Variants in SLC36A1 observed in about 807,000 individuals in gnomAD.
SLC36A1 encodes the protein proton-coupled amino acid transporter 1.
Under a neutral mutation model 47.5 loss-of-function variants are expected in SLC36A1, and 30 were observed. The ratio of observed to expected loss-of-function variants is 0.63; its 90% CI spans 0.47 to 0.86. The LOEUF (loss-of-function observed/expected upper bound fraction) is 0.86, where lower values mean the gene tolerates loss of function less well. Ranked by LOEUF, SLC36A1 falls within the 40% of genes least tolerant of loss-of-function variation. SLC36A1 has a pLI of 0.00. For synonymous variants in SLC36A1, 255 were observed against 249.7 expected (o/e 1.02, Z -0.20); for missense variants, 517 against 606.0 (o/e 0.85, Z 1.54).
the SLC36A1 span, chr5:151,544,322 G>C: frequency 1.9e-6 from 3 of 1,614,156 alleles, no homozygotes; most frequent in East Asian, 6.7e-5. Flanking sequence ...AAAGTGGGAG[G>C]GTTATCATTG....
At chr5:151,510,842 TG>T in the SLC36A1 span, 1 of 152,136 alleles carries the variant, frequency 6.6e-6, no homozygotes, top group Non-Finnish European at 1.5e-5. Context: ...GAAGAGTGCG[TG>T]CAAAGGCTAG....
At chr5:151,438,212 G>A (rs1320702199) in intron 1 of SLC36A1, among the ~76,000 whole-genome samples, 1 of 152,154 alleles carries the variant, frequency 6.6e-6, no homozygotes, top group East Asian at 1.9e-4. Flanking sequence ...CAATTTCACT[G>A]TGTGCCCGTT....
At chr5:151,460,305 A>G (rs1372791065) in intron 2 of SLC36A1, among the ~76,000 whole-genome samples, 1 of 152,160 alleles carries the variant, frequency 6.6e-6, no homozygotes, top group African/African-American at 2.4e-5. Flanking sequence ...TTGTCTAAGC[A>G]ATATTTAGCA....
chr5:151,545,214 A>C, the SLC36A1 span: 1 of 1,614,184 alleles, frequency 6.2e-7, no homozygotes, highest in Non-Finnish European at 8.5e-7. Flanking sequence ...CCCAGTAGAC[A>C]TCCTGATCAA....
chr5:151,510,210 G>A, the SLC36A1 span: 23 of 1,609,052 alleles, frequency 1.4e-5, no homozygotes, highest in Middle Eastern at 5.0e-4. Context: ...AGACCGCACT[G>A]GCCTAGCAGT....
chr5:151,463,059 A>G (rs1755786134), intron 2 of SLC36A1, among the ~76,000 whole-genome samples: 1 of 152,082 alleles, frequency 6.6e-6, no homozygotes, highest in Non-Finnish European at 1.5e-5. Context: ...TATTTTTAGT[A>G]GAGACGGGGT....
chr5:151,504,548 G>A, the SLC36A1 span: 4 of 152,726 alleles, frequency 2.6e-5, no homozygotes, highest in African/African-American at 9.6e-5. Flanking sequence ...GGCAATGGCA[G>A]GTGTCCAGCC....
the SLC36A1 span, among the ~76,000 whole-genome samples, chr5:151,506,385 C>T: frequency 6.6e-6 from 1 of 152,202 alleles, no homozygotes; most frequent in African/African-American, 2.4e-5. Context: ...CAACCCACCC[C>T]CACAGCTGGA....
chr5:151,421,215 T>TCCTTCCTTCCTTCCTTCCTTCCTTCCTC, the SLC36A1 span, among the ~76,000 whole-genome samples: 22 of 142,752 alleles, frequency 1.5e-4, no homozygotes, highest in East Asian at 4.8e-3. Flanking sequence ...CTTCCTTCCT[T>TCCTTCCTTCCTTCCTTCCTTCCTTCCTC]CCTCCCTTTC....
At chr5:151,431,717 C>T in the SLC36A1 span, among the ~76,000 whole-genome samples, 5 of 152,194 alleles carry the variant, frequency 3.3e-5, no homozygotes, top group African/African-American at 1.2e-4. Flanking sequence ...TTTTACCTTC[C>T]GCCATGACTG....
At chr5:151,347,305 C>G in the SLC36A1 span, 1 of 1,614,186 alleles carries the variant, frequency 6.2e-7, no homozygotes, top group Non-Finnish European at 8.5e-7. Context: ...ACGTTATGCC[C>G]TTGGTCTTCT....
rs1363677594 is a variant in SLC36A1 at position 151,492,219 on chromosome 5, G to A, written c.*3965G>A. ...ATCTGTAGGTGTTGATAACTAGACA[G>A]TACTGTGTATGTTACGTGCCTGTGT... On this transcript the variant is annotated 3_prime_UTR_variant, in exon 11 of 11. Transcript: ENST00000243389. The A allele has an allele frequency of 6.6e-6, 1 of 152,202 alleles. No homozygotes were observed. The highest frequency in any genetic ancestry group is 1.5e-5 in the Non-Finnish European group (1 of 68,052). The allele number at this position is 152,202 out of a possible 1,614,324, so 9.4% of individuals were successfully genotyped here.
the SLC36A1 span, among the ~76,000 whole-genome samples, chr5:151,363,860 A>C: frequency 2.6e-5 from 4 of 152,172 alleles, no homozygotes; most frequent in African/African-American, 4.8e-5. Context: ...TGTAACATAC[A>C]ATTTACTGGA....
chr5:151,503,791 C>CTAGT, the SLC36A1 span, among the ~76,000 whole-genome samples: 140 of 152,234 alleles, frequency 9.2e-4, no homozygotes, highest in East Asian at 0.015. Flanking sequence ...AGCTAGCCTG[C>CTAGT]TAGTTAGTGG....
At chr5:151,458,316 A>ATATATATATATACATACACTTG (rs1561737852) in intron 1 of SLC36A1, among the ~76,000 whole-genome samples, 2 of 65,030 alleles carry the variant, frequency 3.1e-5, no homozygotes, top group African/African-American at 1.2e-4. Context: ...ATATACGTAT[A>ATATATATATATACATACACTTG]TATATATATA....
chr5:151,399,084 A>ATATATATATTTTTTT, the SLC36A1 span, among the ~76,000 whole-genome samples: 19 of 60,034 alleles, frequency 3.2e-4, no homozygotes, highest in Non-Finnish European at 5.6e-4. Context: ...ATATATATAT[A>ATATATATATTTTTTT]TTTTTTTTTT....
rs184875389 is a variant in SLC36A1, at chr5:151,463,720, G to C, written c.234+77G>C. 81 of 1,115,164 alleles carry C rather than the reference G, an allele frequency of 7.3e-5. No homozygotes were observed. The East Asian group carries it at 1.8e-3, about 25-fold the overall frequency. 69.1% of individuals were successfully genotyped at this position (1,115,164 alleles called of 1,614,324 possible). ...TTTTTGTTGTTGTTAAAATGTACTTGCTTTAAAACATTTTAAATAGAGAAG... is the reference window on the plus strand; with the variant it reads ...TTTTTGTTGTTGTTAAAATGTACTTCCTTTAAAACATTTTAAATAGAGAAG... On this transcript the variant is annotated intron_variant, in intron 3 of 10. Coordinates refer to ENST00000243389, the MANE Select transcript of SLC36A1 (RefSeq NM_078483.4).
chr5:151,513,989 T>C, the SLC36A1 span, among the ~76,000 whole-genome samples: 24,481 of 152,098 alleles, frequency 0.16, 2,283 homozygotes, highest in Non-Finnish European at 0.2. Context: ...TTTAATTCAC[T>C]TCATTCCCAA....
At chr5:151,529,616 C>A in the SLC36A1 span, among the ~76,000 whole-genome samples, 1 of 152,202 alleles carries the variant, frequency 6.6e-6, no homozygotes, top group African/African-American at 2.4e-5. Flanking sequence ...ATGTTTCCCT[C>A]ACTTACTTCT....
Sources: allele counts gnomAD v4.1 joint callset (sites outside exome capture counted in the v4.1 genomes callset), GRCh38; gene constraint gnomAD v4.1.1; transcripts MANE v1.5; gene names NCBI Gene and HGNC (gene_info 2026-07-23, HGNC 2026-07-21).